The following KYAT3 variants were observed in gnomAD, a reference collection of about 807,000 sequenced individuals.
KYAT3 encodes kynurenine--oxoglutarate transaminase 3.
KYAT3 carries 50 observed loss-of-function variants against 59.0 expected under a neutral mutation model. The observed-to-expected ratio is 0.85, with a 90% CI of 0.68 to 1.07. KYAT3 has a LOEUF of 1.07. Ranked by LOEUF, KYAT3 falls within the 50% of genes least tolerant of loss-of-function variation. KYAT3 has a pLI of 0.00. For missense variants in KYAT3, 497 were observed against 533.3 expected (o/e 0.93, Z 0.67); for synonymous variants, 148 against 177.0 (o/e 0.84, Z 1.30).
At chr1:88,958,816 A>G (rs925587098) in intron 8 of KYAT3, among the ~76,000 whole-genome samples, 4 of 152,048 alleles carry the variant, frequency 2.6e-5, no homozygotes, top group Non-Finnish European at 4.4e-5. Context: ...CAATATCACC[A>G]TTTCATGATG....
chr1:88,962,208 T>A, intron 5 of KYAT3, 63 bp from the exon 6 acceptor site: 1 of 1,196,222 alleles, frequency 8.4e-7, no homozygotes, highest in East Asian at 2.4e-5. Context: ...TAATACTGTG[T>A]ACCTACTATG....
intron 5 of KYAT3, 74 bp downstream of exon 5, chr1:88,964,755 T>C: frequency 8.6e-7 from 1 of 1,161,388 alleles, no homozygotes; most frequent in South Asian, 1.4e-5. Flanking sequence ...GAGTAGAATA[T>C]AAGCGAAAGA....
chr1:88,933,685 C>G (rs148838665), downstream of KYAT3, among the ~76,000 whole-genome samples: 1 of 152,152 alleles, frequency 6.6e-6, no homozygotes, highest in South Asian at 2.1e-4. Context: ...GAAATAAGAT[C>G]CAGAGCACAG....
At chr1:88,952,195 C>T (rs761926886) in intron 10 of KYAT3, among the ~76,000 whole-genome samples, 13 of 152,192 alleles carry the variant, frequency 8.5e-5, no homozygotes, top group Non-Finnish European at 1.8e-4. Context: ...GGTCATATAA[C>T]ATTTCAATGT....
chr1:88,948,754 G>A (rs989296948), intron 11 of KYAT3, among the ~76,000 whole-genome samples: 5 of 151,980 alleles, frequency 3.3e-5, no homozygotes, highest in African/African-American at 1.2e-4. Context: ...TAAGTAAAAA[G>A]GAAACTACAA....
the KYAT3 span, among the ~76,000 whole-genome samples, chr1:88,925,533 C>T: frequency 6.6e-6 from 1 of 152,170 alleles, no homozygotes; most frequent in South Asian, 2.1e-4. Flanking sequence ...TCCCTGGTGT[C>T]CCTCCTGATT....
intron 2 of KYAT3, among the ~76,000 whole-genome samples, chr1:88,976,729 G>A (rs1236311167): frequency 6.6e-6 from 1 of 152,178 alleles, no homozygotes; most frequent in African/African-American, 2.4e-5. Flanking sequence ...AGACCTTCCA[G>A]TGGGACAAGA....
intron 2 of KYAT3, among the ~76,000 whole-genome samples, chr1:88,971,806 CT>C (rs1251941648): frequency 6.6e-6 from 1 of 152,162 alleles, no homozygotes; most frequent in Non-Finnish European, 1.5e-5. Context: ...TTCTTTGGTT[CT>C]ACGAGTCAGG....
downstream of KYAT3, among the ~76,000 whole-genome samples, chr1:88,930,852 A>C (rs908185869): frequency 6.6e-6 from 1 of 152,206 alleles, no homozygotes; most frequent in Non-Finnish European, 1.5e-5. Flanking sequence ...TGCCAAGGTC[A>C]TCAGAAAGGA....
chr1:88,935,292 T>A (rs1458687274), downstream of KYAT3, among the ~76,000 whole-genome samples: 1 of 150,650 alleles, frequency 6.6e-6, no homozygotes, highest in Non-Finnish European at 1.5e-5. Flanking sequence ...CATGAGCCAC[T>A]GCACCTGGCT....
chr1:88,984,923 C>T (rs928477854), intron 2 of KYAT3, among the ~76,000 whole-genome samples: 3 of 152,208 alleles, frequency 2.0e-5, no homozygotes, highest in African/African-American at 7.2e-5. Context: ...TCCATATGTA[C>T]TGGTTATAAC....
upstream of KYAT3, chr1:88,992,953 G>A (rs563469072): frequency 6.5e-6 from 1 of 152,960 alleles, no homozygotes; most frequent in Non-Finnish European, 1.5e-5. Flanking sequence ...GGAAGGGGTG[G>A]GGGCCACGGG....
chr1:88,972,918 C>A (rs943869385), intron 2 of KYAT3, among the ~76,000 whole-genome samples: 3 of 152,184 alleles, frequency 2.0e-5, no homozygotes, highest in Non-Finnish European at 1.5e-5. Context: ...TGGGTTGGAC[C>A]ATGCCCCCCT....
At chr1:88,926,664 G>A in the KYAT3 span, among the ~76,000 whole-genome samples, 1 of 152,136 alleles carries the variant, frequency 6.6e-6, no homozygotes, top group Non-Finnish European at 1.5e-5. Flanking sequence ...AAACCACAAC[G>A]GGTATTCAGT....
intron 10 of KYAT3, 42 bp from the exon 11 acceptor site, chr1:88,949,319 A>G (rs1032365822): frequency 5.1e-6 from 7 of 1,368,942 alleles, no homozygotes; most frequent in African/African-American, 1.5e-5. Context: ...GCATATGGCA[A>G]TGTTATTTAT....
At chr1:88,948,182 A>C (rs1469247005) in intron 11 of KYAT3, among the ~76,000 whole-genome samples, 1 of 152,180 alleles carries the variant, frequency 6.6e-6, no homozygotes, top group Admixed American at 6.5e-5. Context: ...AATATGATCA[A>C]TGTTTTGCTA....
chr1:88,976,594 G>A (rs1676797738), intron 2 of KYAT3, among the ~76,000 whole-genome samples: 1 of 152,118 alleles, frequency 6.6e-6, no homozygotes, highest in South Asian at 2.1e-4. Flanking sequence ...TTATTTTAGA[G>A]TGTACCCTTA....
intron 2 of KYAT3, among the ~76,000 whole-genome samples, chr1:88,984,254 G>A (rs934008961): frequency 1.8e-5 from 2 of 112,144 alleles, no homozygotes; most frequent in African/African-American, 3.5e-5. Context: ...TCACAGTGTT[G>A]CCCAGGCTGG....
intron 9 of KYAT3, among the ~76,000 whole-genome samples, chr1:88,954,352 A>T (rs1675817334): frequency 6.6e-6 from 1 of 152,206 alleles, no homozygotes; most frequent in Non-Finnish European, 1.5e-5. Context: ...TTAGCTGGGT[A>T]ATCTCAGGCA....
Sources: gnomAD v4.1 joint callset for allele counts (sites outside exome capture counted in the v4.1 genomes callset) on GRCh38, gnomAD v4.1.1 for gene constraint, MANE v1.5 for transcripts, NCBI Gene and HGNC (gene_info 2026-07-23, HGNC 2026-07-21) for gene names.